The following DAZAP1 variants were observed in gnomAD, a reference collection of about 807,000 sequenced individuals.
DAZAP1 encodes the protein DAZ associated protein 1, also known as DAZ-associated protein 1.
In DAZAP1, 6 loss-of-function variants were observed where a neutral mutation model predicts 60.1. That is an observed-to-expected ratio of 0.10 (90% CI 0.05 to 0.20). The LOEUF (loss-of-function observed/expected upper bound fraction) is 0.20. Among genes scored for constraint, DAZAP1 ranks in the 10% least tolerant of loss-of-function variants. DAZAP1 has a pLI of 1.00. For missense variants in DAZAP1, 366 were observed against 560.4 expected (o/e 0.65, Z 3.50); for synonymous variants, 235 against 215.9 (o/e 1.09, Z -0.78).
At chr19:1,417,659 G>A in intron 2 of DAZAP1, 119 bp downstream of exon 2, 2 of 977,616 alleles carry the variant, frequency 2.0e-6, no homozygotes, top group East Asian at 5.3e-5. Flanking sequence ...TTTTGACGTT[G>A]TTCTGATTTC....
chr19:1,431,743 C>T (rs973666166), intron 10 of DAZAP1, among the ~76,000 whole-genome samples: 6 of 152,200 alleles, frequency 3.9e-5, no homozygotes, highest in African/African-American at 9.6e-5. Flanking sequence ...ATGGGCCATA[C>T]GTGGGGTGTC....
In DAZAP1 at chr19:1,426,054, G is replaced by A. The variant is rs2083296534; in HGVS notation, c.546+94G>A. The A allele has an allele frequency of 1.0e-6, 1 of 962,004 alleles. No homozygotes were observed. Among genetic ancestry groups the A allele is most frequent in the Admixed American group, 1.7e-5 (1 of 58,672 alleles). The allele number at this position is 962,004 out of a possible 1,614,324, so 59.6% of individuals were successfully genotyped here. On this transcript the variant is annotated intron_variant, in intron 7 of 11. Transcript: ENST00000233078. The surrounding 1 kb of genome is among the most constrained non-coding windows in gnomAD (Gnocchi z 5.4). ...GAAAGGAACATTCCTTCACGGAAAG[G>A]GTCGGGCGAGTTCGTCCTGTGAACC... is the stretch of plus-strand genomic sequence containing the variant.
chr19:1,418,894 G>A lies in DAZAP1; in HGVS notation c.303+163G>A, dbSNP rs952578376. Among the ~76,000 whole-genome samples the A allele has an allele frequency of 2.4e-4, 37 of 152,158 alleles. 2 individuals carry two copies. Among genetic ancestry groups the A allele is most frequent in the African/African-American group, 4.8e-5 (2 of 41,426 alleles). ...AGGATCACCCAGATTTATCAGTGCC[G>A]TGAGTGTTTTACAGCCAAGAAAATT... On this transcript the variant is annotated intron_variant, in intron 4 of 11. Transcript: ENST00000233078. The surrounding 1 kb of genome is among the most constrained non-coding windows in gnomAD (Gnocchi z 5.7).
Position 1,433,698 on chromosome 19 carries a change from C to T in DAZAP1, c.1048+1008C>T, listed in dbSNP as rs367558797. Reference sequence around the variant, plus strand: ...GTGTGTCAGCCGCTGCTCTTGGTGGCGGCTGCTTGGGTTGGTCACCCTGGT... The same window carrying T: ...GTGTGTCAGCCGCTGCTCTTGGTGGTGGCTGCTTGGGTTGGTCACCCTGGT... On this transcript the variant is annotated intron_variant, in intron 11 of 11. Transcript: ENST00000233078. This position sits in a 1 kb window ranked among gnomAD's most constrained non-coding sequence, Gnocchi z 6.1. 1.3e-4 allele frequency: 194 copies of T among 1,551,004 alleles called. No homozygotes were observed. Among genetic ancestry groups the T allele is most frequent in the Admixed American group, 2.3e-4 (14 of 59,738 alleles).
intron 1 of DAZAP1, among the ~76,000 whole-genome samples, chr19:1,412,190 A>G (rs2082850330): frequency 6.6e-6 from 1 of 152,096 alleles, no homozygotes; most frequent in South Asian, 2.1e-4. Context: ...TGTGGACCCC[A>G]CACCCTGCAG....
rs879235508 is a variant in DAZAP1 at position 1,418,101 on chromosome 19, G to A, written c.71-103G>A. 1.8e-4 allele frequency: 220 copies of A among 1,243,596 alleles called. No individual in the cohort carries two copies. Among genetic ancestry groups the A allele is most frequent in the Non-Finnish European group, 2.5e-4 (213 of 867,232 alleles). 77.0% of individuals were successfully genotyped at this position (1,243,596 alleles called of 1,614,324 possible). ...CCCCCAGTGCAGCATCGCTCGGTGC[G>A]TGGCTGGTGGACTGGAGGAGTGTGC... On this transcript the variant is annotated intron_variant, in intron 2 of 11. Coordinates refer to ENST00000233078, the MANE Select transcript of DAZAP1 (RefSeq NM_018959.4). The surrounding 1 kb of genome is among the most constrained non-coding windows in gnomAD (Gnocchi z 5.7).
intron 4 of DAZAP1, among the ~76,000 whole-genome samples, chr19:1,419,361 G>A (rs1449054023): frequency 6.6e-6 from 1 of 152,244 alleles, no homozygotes; most frequent in Non-Finnish European, 1.5e-5. Flanking sequence ...AGACCTGGAG[G>A]CCTGCTGAGG....
rs1256064006 is a variant in DAZAP1, at chr19:1,425,763, A to G, written c.464-115A>G. ...GCCCCAGGGGCCCGCAGCGCCCCACACACAGCTTAGCTGAAACCCAAGGTC... is the reference window on the plus strand; with the variant it reads ...GCCCCAGGGGCCCGCAGCGCCCCACGCACAGCTTAGCTGAAACCCAAGGTC... On this transcript the variant is annotated intron_variant, in intron 6 of 11. Coordinates refer to ENST00000233078, the MANE Select transcript of DAZAP1 (RefSeq NM_018959.4). This position sits in a 1 kb window ranked among gnomAD's most constrained non-coding sequence, Gnocchi z 5.4. 3.8e-6 allele frequency: 3 copies of G among 789,068 alleles called. No individual in the cohort carries two copies. Among genetic ancestry groups the G allele is most frequent in the Non-Finnish European group, 6.7e-6 (3 of 445,500 alleles). The allele number at this position is 789,068 out of a possible 1,614,324, so 48.9% of individuals were successfully genotyped here.
intron 7 of DAZAP1, chr19:1,427,909 A>T (rs1266930882): frequency 2.6e-5 from 4 of 152,190 alleles, no homozygotes; most frequent in Non-Finnish European, 4.4e-5. Flanking sequence ...TTGTCTCTTT[A>T]TTCTCATTAC....
Position 1,423,818 on chromosome 19 carries a change from G to A in DAZAP1, c.463+1422G>A, listed in dbSNP as rs756637459. Among the ~76,000 whole-genome samples, 9 of 152,194 alleles carry A rather than the reference G, an allele frequency of 5.9e-5. No homozygotes were observed. The highest frequency in any genetic ancestry group is 1.3e-4 in the Non-Finnish European group (9 of 68,032). On this transcript the variant is annotated intron_variant, in intron 6 of 11. Transcript: ENST00000233078. This position sits in a 1 kb window ranked among gnomAD's most constrained non-coding sequence, Gnocchi z 6.8. ...CCCCCTCCGGCTGCCCAGAGCTGGCGCCCCTTCTCCTCGCGTCCTGTCCTG... is the reference window on the plus strand; with the variant it reads ...CCCCCTCCGGCTGCCCAGAGCTGGCACCCCTTCTCCTCGCGTCCTGTCCTG...
Position 1,416,025 on chromosome 19 carries a change from C to G in DAZAP1, c.30-1475C>G, listed in dbSNP as rs548600977. On this transcript the variant is annotated intron_variant, in intron 1 of 11. Transcript: ENST00000233078. The surrounding 1 kb of genome is among the most constrained non-coding windows in gnomAD (Gnocchi z 4.3). ...AGAAGGAACAGGGACAAGCTCCTGGCGGTTGGCTGTGGCAGACACTTCACC... is the reference window on the plus strand; with the variant it reads ...AGAAGGAACAGGGACAAGCTCCTGGGGGTTGGCTGTGGCAGACACTTCACC... 1 of 152,160 alleles carries G rather than the reference C, an allele frequency of 6.6e-6. No homozygotes were observed. Among genetic ancestry groups the G allele is most frequent in the Non-Finnish European group, 1.5e-5 (1 of 68,026 alleles). The allele number at this position is 152,160 out of a possible 1,614,324, so 9.4% of individuals were successfully genotyped here.
At position 1,416,721 on chromosome 19, in the gene DAZAP1, C is replaced by G. The variant is rs149836136; in HGVS notation, c.30-779C>G. 6.6e-6 allele frequency: 1 copy of G among 152,470 alleles called. No individual in the cohort carries two copies. The highest frequency in any genetic ancestry group is 2.4e-5 in the African/African-American group (1 of 41,462). 9.4% of individuals were successfully genotyped at this position (152,470 alleles called of 1,614,324 possible). A position where few individuals can be genotyped will look rare whatever the true frequency, so the allele number is the denominator to read the frequency against. ...GTGGAAAGGTGAGTGGGCCCTTGGG[C>G]GTCGCTGCAGGGTCGATGGCGGACG... is the stretch of plus-strand genomic sequence containing the variant. On this transcript the variant is annotated intron_variant, in intron 1 of 11. Coordinates refer to ENST00000233078, the MANE Select transcript of DAZAP1 (RefSeq NM_018959.4). The surrounding 1 kb of genome is among the most constrained non-coding windows in gnomAD (Gnocchi z 4.3).
rs983102972 is a variant in DAZAP1, at chr19:1,423,123, C to T, written c.463+727C>T. Among the ~76,000 whole-genome samples the T allele has an allele frequency of 5.9e-5, 9 of 152,302 alleles. No homozygotes were observed. The South Asian group carries it at 1.2e-3, about 21-fold the overall frequency. The stretch of plus-strand genomic sequence containing the variant: ...ACCTGCAGCCTGGGTCTGCCCGCCA[C>T]GTCCGTGCCGCCCCCGCACCACCGG... On this transcript the variant is annotated intron_variant, in intron 6 of 11. Transcript: ENST00000233078. The surrounding 1 kb of genome is among the most constrained non-coding windows in gnomAD (Gnocchi z 6.8).
chr19:1,427,861 C>G (rs1246966595), intron 7 of DAZAP1: 1 of 152,178 alleles, frequency 6.6e-6, no homozygotes, highest in Non-Finnish European at 1.5e-5. Flanking sequence ...GTGCAGCTCT[C>G]CAGACTGAGA....
chr19:1,408,827 C>T (rs550871209), intron 1 of DAZAP1, among the ~76,000 whole-genome samples: 1,682 of 152,336 alleles, frequency 0.011, 13 homozygotes, highest in Non-Finnish European at 0.02. Flanking sequence ...AGGAGCGGCT[C>T]CTGCCGCAGC....
Position 1,425,706 on chromosome 19 carries a change from T to C in DAZAP1, c.464-172T>C, listed in dbSNP as rs560775097. On this transcript the variant is annotated intron_variant, in intron 6 of 11. Transcript: ENST00000233078. The surrounding 1 kb of genome is among the most constrained non-coding windows in gnomAD (Gnocchi z 5.4). ...CACCGTCTGTCCACTCCGTGTGCAGTCGAGTGGTGGCTCCTGGGGAGGGAG... is the reference window on the plus strand; with the variant it reads ...CACCGTCTGTCCACTCCGTGTGCAGCCGAGTGGTGGCTCCTGGGGAGGGAG... 6.6e-6 allele frequency among the ~76,000 whole-genome samples: 1 copy of C among 152,170 alleles called. No homozygotes were observed. The highest frequency in any genetic ancestry group is 1.5e-5 in the Non-Finnish European group (1 of 68,018).
rs2083364899 is a variant in DAZAP1 at position 1,428,693 on chromosome 19, C to A, written c.547-149C>A. The A allele has an allele frequency of 2.1e-6, 2 of 953,856 alleles. No individual in the cohort carries two copies. The highest frequency in any genetic ancestry group is 1.7e-5 in the African/African-American group (1 of 58,682). The allele number at this position is 953,856 out of a possible 1,614,324, so 59.1% of individuals were successfully genotyped here. A position where few individuals can be genotyped will look rare whatever the true frequency, so the allele number is the denominator to read the frequency against. On this transcript the variant is annotated intron_variant, in intron 7 of 11. Transcript: ENST00000233078. The surrounding 1 kb of genome is among the most constrained non-coding windows in gnomAD (Gnocchi z 4.0). The stretch of plus-strand genomic sequence containing the variant: ...AAAAGAATTTTTTAAGAAAAAAATG[C>A]TACTGGCCTAAATAAGGTTTATAGT...
chr19:1,430,871 C>T, intron 10 of DAZAP1, among the ~76,000 whole-genome samples: 1 of 151,682 alleles, frequency 6.6e-6, no homozygotes, highest in Admixed American at 6.6e-5. Flanking sequence ...CAGGCGCTCG[C>T]CACCACGCCC....
intron 1 of DAZAP1, among the ~76,000 whole-genome samples, chr19:1,409,166 T>A (rs1797204540): frequency 6.6e-6 from 1 of 152,242 alleles, no homozygotes; most frequent in African/African-American, 2.4e-5. Context: ...CCAGGCACTT[T>A]GACTTGGCAG....
Sources: allele counts gnomAD v4.1 joint callset (sites outside exome capture counted in the v4.1 genomes callset), GRCh38; gene constraint gnomAD v4.1.1; non-coding constraint Gnocchi (gnomAD v3.1); transcripts MANE v1.5; gene names NCBI Gene and HGNC (gene_info 2026-07-23, HGNC 2026-07-21).